The following TRMT11 variants were observed in gnomAD, a reference collection of about 807,000 sequenced individuals.
The protein encoded by TRMT11 is tRNA (guanine(10)-N(2))-methyltransferase TRMT11.
TRMT11 carries 53 observed loss-of-function variants against 62.8 expected under a neutral mutation model. The ratio of observed to expected loss-of-function variants is 0.84; its 90% confidence interval spans 0.68 to 1.06. The LOEUF is 1.06. TRMT11 is among the 50% of genes least tolerant of loss of function. TRMT11 has a pLI of 0.00. For missense variants in TRMT11, 556 were observed against 553.4 expected, an observed-to-expected ratio of 1.00 and a Z score of -0.05; for synonymous variants, 188 against 190.3, an observed-to-expected ratio of 0.99 and a Z score of 0.10.
chr6:125,999,379 A>T, intron 6 of TRMT11, 78 bp from the exon 7 acceptor site: 2 of 1,144,896 alleles, frequency 1.7e-6, no homozygotes, highest in Non-Finnish European at 2.4e-6. Flanking sequence ...TCAGCAAAAT[A>T]CAATGGTCTT....
intron 11 of TRMT11, among the ~76,000 whole-genome samples, chr6:126,019,321 T>A (rs1036318737): frequency 2.0e-5 from 3 of 152,212 alleles, no homozygotes; most frequent in Non-Finnish European, 2.9e-5. Flanking sequence ...ATATGAAACA[T>A]GCAAATATGT....
intron 7 of TRMT11, among the ~76,000 whole-genome samples, chr6:126,007,477 G>A (rs1793532426): frequency 6.6e-6 from 1 of 151,892 alleles, no homozygotes; most frequent in South Asian, 2.1e-4. Context: ...CCTTCCTAGA[G>A]TATAGCTAAT....
intron 16 of TRMT11, among the ~76,000 whole-genome samples, chr6:126,047,715 C>G (rs1776099689): frequency 6.6e-6 from 1 of 152,164 alleles, no homozygotes; most frequent in African/African-American, 2.4e-5. Context: ...GGGGCTGGAG[C>G]CCAAAAGCGC....
At chr6:126,257,163 G>A in the TRMT11 span, among the ~76,000 whole-genome samples, 4 of 151,968 alleles carry the variant, frequency 2.6e-5, no homozygotes, top group Admixed American at 6.6e-5. Context: ...TGGGATTACA[G>A]GTGTGAGCCA....
the TRMT11 span, among the ~76,000 whole-genome samples, chr6:126,247,035 A>C: frequency 2.0e-5 from 3 of 152,274 alleles, no homozygotes; most frequent in Non-Finnish European, 2.9e-5. Flanking sequence ...TGGAGATAAG[A>C]CTTCCAGCTT....
chr6:126,183,920 T>C (rs1294335504), intron 1 of TRMT11, among the ~76,000 whole-genome samples: 2 of 152,148 alleles, frequency 1.3e-5, no homozygotes, highest in Non-Finnish European at 2.9e-5. Context: ...TCTAGCTGTA[T>C]GTTGTTAGAC....
chr6:126,165,804 A>G (rs112046160), intron 21 of TRMT11, among the ~76,000 whole-genome samples: 7,995 of 152,146 alleles, frequency 0.053, 302 homozygotes, highest in Middle Eastern at 0.085. Flanking sequence ...TATTCTCTGT[A>G]TTTCCTGAAT....
intron 17 of TRMT11, among the ~76,000 whole-genome samples, chr6:126,066,461 G>T (rs574994030): frequency 3.9e-5 from 6 of 152,280 alleles, no homozygotes; most frequent in African/African-American, 1.4e-4. Flanking sequence ...GCCTTTCTTG[G>T]TGCATGTATG....
chr6:126,021,514 C>T (rs1185501499), intron 12 of TRMT11, among the ~76,000 whole-genome samples: 1 of 152,174 alleles, frequency 6.6e-6, no homozygotes, highest in African/African-American at 2.4e-5. Context: ...CGTTGACCCT[C>T]ACTTCTCAGG....
At chr6:126,198,647 T>A (rs903201326) in intron 1 of TRMT11, among the ~76,000 whole-genome samples, 1 of 152,208 alleles carries the variant, frequency 6.6e-6, no homozygotes, top group Admixed American at 6.5e-5. Flanking sequence ...TAATCTCAGT[T>A]TACAAAAGCT....
intron 17 of TRMT11, among the ~76,000 whole-genome samples, chr6:126,069,411 G>C (rs1776783007): frequency 6.6e-6 from 1 of 152,164 alleles, no homozygotes; most frequent in African/African-American, 2.4e-5. Flanking sequence ...TATCCCCAAA[G>C]CAATAATCAT....
chr6:126,107,314 A>T (rs1212831401), intron 17 of TRMT11, among the ~76,000 whole-genome samples: 2 of 152,216 alleles, frequency 1.3e-5, no homozygotes, highest in African/African-American at 4.8e-5. Flanking sequence ...TAAGAAGAGT[A>T]TCATTAGCGT....
At chr6:126,021,072 A>G (rs1034732328) in intron 11 of TRMT11, 88 bp from the exon 12 acceptor site, 1 of 1,465,724 alleles carries the variant, frequency 6.8e-7, no homozygotes, top group African/African-American at 1.4e-5. Context: ...GTAGTGGAAG[A>G]ACATCCCACA....
intron 21 of TRMT11, among the ~76,000 whole-genome samples, chr6:126,170,813 T>C (rs1583897640): frequency 2.0e-5 from 3 of 152,084 alleles, no homozygotes; most frequent in South Asian, 4.1e-4. Flanking sequence ...TAAGTGAAAA[T>C]AAGTGAAATA....
At chr6:126,138,646 T>C (rs1033648161) in intron 21 of TRMT11, among the ~76,000 whole-genome samples, 2 of 152,106 alleles carry the variant, frequency 1.3e-5, no homozygotes, top group East Asian at 1.9e-4. Context: ...GGAACAGAGG[T>C]CCATCTTTCT....
At chr6:126,041,469 TG>T (rs1775878701), downstream of TRMT11, among the ~76,000 whole-genome samples, 3 of 152,162 alleles carry the variant, frequency 2.0e-5, no homozygotes. Flanking sequence ...CTTAGTCGTT[TG>T]GTGTTAGAAG....
chr6:125,998,340 A>G (rs1309896533), intron 5 of TRMT11, 25 bp downstream of exon 5: 1 of 1,483,858 alleles, frequency 6.7e-7, no homozygotes, highest in East Asian at 2.3e-5. Context: ...CAAAACAAAA[A>G]ACCTACATGA....
At chr6:126,238,533 C>T in the TRMT11 span, among the ~76,000 whole-genome samples, 2 of 152,066 alleles carry the variant, frequency 1.3e-5, no homozygotes, top group African/African-American at 2.4e-5. Context: ...GAGTGAGTTT[C>T]TTAATCCTGA....
chr6:126,193,379 C>T (rs1778626109), intron 1 of TRMT11, among the ~76,000 whole-genome samples: 1 of 150,878 alleles, frequency 6.6e-6, no homozygotes, highest in African/African-American at 2.4e-5. Context: ...TTATTTATTT[C>T]TGCTCTGATC....
Sources: allele counts gnomAD v4.1 joint callset (sites outside exome capture counted in the v4.1 genomes callset), GRCh38; gene constraint gnomAD v4.1.1; transcripts MANE v1.5; gene names NCBI Gene and HGNC (gene_info 2026-07-23, HGNC 2026-07-21).